Variants in METTL13 observed in about 807,000 individuals in gnomAD.
METTL13 encodes methyltransferase 13, eEF1A N-terminus and K55.
Under a neutral mutation model 67.4 loss-of-function variants are expected in METTL13, and 52 were observed. The ratio of observed to expected loss-of-function variants is 0.77; its 90% CI spans 0.62 to 0.97. The LOEUF (loss-of-function observed/expected upper bound fraction) is 0.97. Ranked by LOEUF, METTL13 falls within the 50% of genes least tolerant of loss-of-function variation. METTL13 has a pLI of 0.00. For missense variants in METTL13, 825 were observed against 889.6 expected, an observed-to-expected ratio of 0.93 and a Z score of 0.92; for synonymous variants, 354 against 353.6, an observed-to-expected ratio of 1.00 and a Z score of -0.01.
chr1:171,784,498 C>T lies in METTL13; in HGVS notation c.912C>T (p.Ile304=), dbSNP rs1386433296. 1 of 1,500,750 alleles carries T rather than the reference C, an allele frequency of 6.7e-7. No homozygotes were observed. Among genetic ancestry groups the T allele is most frequent in the Non-Finnish European group, 8.9e-7 (1 of 1,126,326 alleles). The allele number at this position is 1,500,750 out of a possible 1,614,324, so 93.0% of individuals were successfully genotyped here. A position where few individuals can be genotyped will look rare whatever the true frequency, so the allele number is the denominator to read the frequency against. The change falls in exon 2 of 8, where the codon ATC becomes ATT. Residue 304 remains isoleucine, a splice_region_variant and synonymous_variant. Coordinates refer to ENST00000361735, the MANE Select transcript of METTL13 (RefSeq NM_015935.5). ...PSRDNHFAIF[I]IPQGRETEWL... ...GGGACAATCATTTTGCGATTTTCAT[C>T]AGTGAGTTGGGATTGCTCCCTCTCT...
In METTL13 at chr1:171,781,977, T is replaced by C; in HGVS notation, c.10T>C (p.Leu4=). 1 of 1,614,136 alleles carries C rather than the reference T, an allele frequency of 6.2e-7. No homozygotes were observed. The highest frequency in any genetic ancestry group is 8.5e-7 in the Non-Finnish European group (1 of 1,180,014). MNL[L]PKSSREFGSV... ...CTTCGGCAGTAGGAACATGAACCTC[T>C]TACCTAAAAGTTCCAGGGAGTTTGG... Residue 4 remains leucine, a synonymous_variant, in exon 1 of 8, where the codon TTA becomes CTA. Coordinates refer to ENST00000361735, the MANE Select transcript of METTL13 (RefSeq NM_015935.5).
chr1:171,781,693 T>A lies in METTL13; in HGVS notation c.-275T>A, dbSNP rs1240977413. On this transcript the variant is annotated 5_prime_UTR_variant, in exon 1 of 8. Coordinates refer to ENST00000361735, the MANE Select transcript of METTL13 (RefSeq NM_015935.5). Reference sequence around the variant, plus strand: ...ATGGTTATGGGCTCGGAAATCTAGTTCGGGAAAAGTGTGAGGGGCTCTTCA... The same window carrying A: ...ATGGTTATGGGCTCGGAAATCTAGTACGGGAAAAGTGTGAGGGGCTCTTCA... The A allele has an allele frequency of 9.5e-7, 1 of 1,055,136 alleles. No individual in the cohort carries two copies. The highest frequency in any genetic ancestry group is 1.6e-5 in the African/African-American group (1 of 60,966). 65.4% of individuals were successfully genotyped at this position (1,055,136 alleles called of 1,614,324 possible).
In METTL13 at chr1:171,784,436, C is replaced by T. The variant is rs903545860; in HGVS notation, c.850C>T (p.Leu284Phe). ...DGDTGEPRYT[L>F]HVVDSPTVKP... The stretch of plus-strand genomic sequence containing the variant: ...GGACACGGGGGAGCCACGCTACACC[C>T]TCCACGTGGTGGACAGCCCCACTGT... Residue 284 changes from leucine to phenylalanine, a missense_variant, in exon 2 of 8, where the codon CTC (leucine) becomes TTC (phenylalanine). Coordinates refer to ENST00000361735, the MANE Select transcript of METTL13 (RefSeq NM_015935.5). 7.3e-6 allele frequency: 11 copies of T among 1,516,678 alleles called. No individual in the cohort carries two copies. The African/African-American group carries it at 1.4e-4, about 19-fold the overall frequency. 94.0% of individuals were successfully genotyped at this position (1,516,678 alleles called of 1,614,324 possible).
At position 171,796,661 on chromosome 1, in the gene METTL13, G is replaced by A. The variant is rs927228486; in HGVS notation, c.2005G>A (p.Ala669Thr). 4.3e-6 allele frequency: 7 copies of A among 1,614,078 alleles called. No homozygotes were observed. In the Admixed American group the frequency reaches 5.0e-5, roughly 12 times the overall value. The stretch of plus-strand genomic sequence containing the variant: ...TGCCACACCAGAGCTCCTAGAAACA[G>A]CCCAGGCTTTGGAGCGGACCCTGAG... ...KLATPELLET[A>T]QALERTLRKP... Residue 669 changes from alanine to threonine, a missense_variant, in exon 8 of 8, where the codon GCC becomes ACC. Coordinates refer to ENST00000361735, the MANE Select transcript of METTL13 (RefSeq NM_015935.5).
Position 171,792,199 on chromosome 1 carries a change from C to T in METTL13, c.1657C>T (p.Leu553=). 1 of 1,614,200 alleles carries T rather than the reference C, an allele frequency of 6.2e-7. No individual in the cohort carries two copies. Among genetic ancestry groups the T allele is most frequent in the South Asian group, 1.1e-5 (1 of 91,088 alleles). The change falls in exon 6 of 8, where the codon CTG becomes TTG. Residue 553 remains leucine (L), a synonymous_variant. Coordinates refer to ENST00000361735, the MANE Select transcript of METTL13 (RefSeq NM_015935.5). ...AATGAAGGTCCACATTGCAGATGGC[C>T]TGGACTATATCGCCAGCTTGGCAGG... ...DRMKVHIADG[L]DYIASLAGGG...
chr1:171,786,849 T>G (rs1047081174), intron 3 of METTL13, among the ~76,000 whole-genome samples: 2 of 152,050 alleles, frequency 1.3e-5, no homozygotes, highest in Non-Finnish European at 2.9e-5. Context: ...TTTTTTACAT[T>G]TTTTGTAGAG....
chr1:171,795,231 A>G (rs1657329856), intron 7 of METTL13, among the ~76,000 whole-genome samples: 1 of 152,152 alleles, frequency 6.6e-6, no homozygotes, highest in African/African-American at 2.4e-5. Context: ...GTGTTATATC[A>G]TGTAACTTAA....
chr1:171,781,869 C>G lies in METTL13; in HGVS notation c.-99C>G. 3.9e-6 allele frequency: 6 copies of G among 1,547,430 alleles called. No homozygotes were observed. The highest frequency in any genetic ancestry group is 4.4e-6 in the Non-Finnish European group (5 of 1,147,450). ...TGTTTTTCCGTGGAAAGAATTCCCA[C>G]TGCAGTGTCCCGGAGCCTGCGTGTG... On this transcript the variant is annotated 5_prime_UTR_variant, in exon 1 of 8. Transcript: ENST00000361735.
chr1:171,789,664 A>G (rs1361427184), intron 4 of METTL13, among the ~76,000 whole-genome samples: 2 of 152,214 alleles, frequency 1.3e-5, no homozygotes, highest in Admixed American at 6.5e-5. Flanking sequence ...ACCTTTCTTT[A>G]AAAGACTTTA....
intron 2 of METTL13, 41 bp downstream of exon 2, chr1:171,784,540 C>T (rs1263961499): frequency 1.4e-6 from 2 of 1,458,120 alleles, no homozygotes; most frequent in African/African-American, 2.8e-5. Context: ...GAGGGGCTGG[C>T]TTACAGGGGC....
At position 171,781,910 on chromosome 1, in the gene METTL13, A is replaced by G; in HGVS notation, c.-58A>G. ...CCTGCGTGTGGTGGGCAAGCTCCTC[A>G]AATGGTATCTCACAGGGAATAGGGG... is the stretch of plus-strand genomic sequence containing the variant. On this transcript the variant is annotated 5_prime_UTR_variant, in exon 1 of 8. Transcript: ENST00000361735. The G allele has an allele frequency of 6.2e-7, 1 of 1,601,240 alleles. No homozygotes were observed. Among genetic ancestry groups the G allele is most frequent in the South Asian group, 1.1e-5 (1 of 89,454 alleles).
At chr1:171,790,405 C>G (rs779419690) in intron 4 of METTL13, 47 bp from the exon 5 acceptor site, 13 of 1,447,208 alleles carry the variant, frequency 9.0e-6, no homozygotes, top group Admixed American at 5.3e-5. Context: ...ACCCTTGCTT[C>G]CTGAGGACTA....
At position 171,786,097 on chromosome 1, in the gene METTL13, G is replaced by C. The variant is rs371587027; in HGVS notation, c.1113+19G>C. Reference sequence around the variant, plus strand: ...GCAGCAGGTAACAAAGCTTTCGTACGGCTTTCATGGGTCTCTGAAGTCATG... The same window carrying C: ...GCAGCAGGTAACAAAGCTTTCGTACCGCTTTCATGGGTCTCTGAAGTCATG... On this transcript the variant is annotated intron_variant, in intron 3 of 7. Coordinates refer to ENST00000361735, the MANE Select transcript of METTL13 (RefSeq NM_015935.5). 6.2e-7 allele frequency: 1 copy of C among 1,601,222 alleles called. No individual in the cohort carries two copies. The highest frequency in any genetic ancestry group is 2.2e-5 in the East Asian group (1 of 44,562).
intron 1 of METTL13, among the ~76,000 whole-genome samples, chr1:171,782,784 A>T (rs1014932374): frequency 5.9e-5 from 9 of 152,188 alleles, no homozygotes. Flanking sequence ...GGCACTGCTC[A>T]GTCCTTAAAC....
intron 4 of METTL13, 103 bp from the exon 5 acceptor site, chr1:171,790,349 G>T: frequency 7.9e-7 from 1 of 1,269,898 alleles, no homozygotes; most frequent in South Asian, 2.5e-5. Flanking sequence ...TTTAACGATT[G>T]GGTCTTTTGA....
Position 171,797,329 on chromosome 1 carries a change from C to G in METTL13, c.*573C>G, listed in dbSNP as rs534764269. On this transcript the variant is annotated 3_prime_UTR_variant, in exon 8 of 8. Coordinates refer to ENST00000361735, the MANE Select transcript of METTL13 (RefSeq NM_015935.5). ...ACCCACTTCATTATTTGACAGCTTT[C>G]CTTGGTGACCCAAACCTTGTAGCCT... is the stretch of plus-strand genomic sequence containing the variant. 2 of 153,124 alleles carry G rather than the reference C, an allele frequency of 1.3e-5. No individual in the cohort carries two copies. The highest frequency in any genetic ancestry group is 4.8e-5 in the African/African-American group (2 of 41,458). 9.5% of individuals were successfully genotyped at this position (153,124 alleles called of 1,614,324 possible).
rs566832394 is a variant in METTL13, at chr1:171,792,663, T to C, written c.1693+428T>C. Among the ~76,000 whole-genome samples, 5 of 152,344 alleles carry C rather than the reference T, an allele frequency of 3.3e-5. No individual in the cohort carries two copies. In the East Asian group the frequency reaches 9.6e-4, roughly 29 times the overall value. On this transcript the variant is annotated intron_variant, in intron 6 of 7. Coordinates refer to ENST00000361735, the MANE Select transcript of METTL13 (RefSeq NM_015935.5). ...AACAGTATTCATGTAAGATCAGTGG[T>C]ATACAACCTCAGGGTCTGACATTTG...
intron 5 of METTL13, among the ~76,000 whole-genome samples, chr1:171,791,244 TC>T (rs1001176585): frequency 7.9e-5 from 12 of 152,194 alleles, no homozygotes; most frequent in Admixed American, 1.3e-4. Context: ...CTTCCTTTGA[TC>T]CCCCTGTGGT....
At chr1:171,785,642 C>T (rs926287406) in intron 2 of METTL13, among the ~76,000 whole-genome samples, 3 of 152,186 alleles carry the variant, frequency 2.0e-5, no homozygotes, top group Admixed American at 6.5e-5. Flanking sequence ...TGGTAGGTGT[C>T]TGCCTCCTTC....
Sources: gnomAD v4.1 joint callset for allele counts (sites outside exome capture counted in the v4.1 genomes callset) on GRCh38, gnomAD v4.1.1 for gene constraint, MANE v1.5 for transcripts, NCBI Gene and HGNC (gene_info 2026-07-23, HGNC 2026-07-21) for gene names.